LLGL2: variants seen among roughly 807,000 people sequenced by gnomAD.
LLGL2 encodes LLGL scribble cell polarity complex component 2, also known as LLGL2, scribble cell polarity complex component.
Under a neutral mutation model 123.2 loss-of-function variants are expected in LLGL2, and 81 were observed. The ratio of observed to expected loss-of-function variants is 0.66; its 90% CI spans 0.55 to 0.79. The LOEUF is 0.79. Ranked by LOEUF, LLGL2 falls within the 30% of genes least tolerant of loss-of-function variation. The pLI, the probability that LLGL2 is intolerant of heterozygous loss-of-function variation, is 0.00. For synonymous variants in LLGL2, 577 were observed against 594.1 expected (o/e 0.97, Z 0.42); for missense variants, 1,273 against 1,414.6 (o/e 0.90, Z 1.61).
In LLGL2 at chr17:75,525,713, G is replaced by A. The variant is rs1040634465; in HGVS notation, c.-143G>A. The A allele has an allele frequency of 4.0e-5, 6 of 150,976 alleles. No homozygotes were observed. Among genetic ancestry groups the A allele is most frequent in the African/African-American group, 1.4e-4 (6 of 41,414 alleles). The allele number at this position is 150,976 out of a possible 1,614,324, so 9.4% of individuals were successfully genotyped here. On this transcript the variant is annotated 5_prime_UTR_variant, in exon 1 of 26. Coordinates refer to ENST00000392550, the MANE Select transcript of LLGL2 (RefSeq NM_001031803.2). The surrounding 1 kb of genome is among the most constrained non-coding windows in gnomAD (Gnocchi z 4.8). ...AGGCTCGCCGCGCCGGAGGTGAGCA[G>A]GAAGGAGACGGCCGCCCAGCAGCCC...
At chr17:75,541,971 T>G (rs952761426) in intron 1 of LLGL2, among the ~76,000 whole-genome samples, 2 of 151,898 alleles carry the variant, frequency 1.3e-5, no homozygotes, top group Non-Finnish European at 1.5e-5. Context: ...CCTGAGGTGA[T>G]CCACCTGCCT....
Position 75,542,586 on chromosome 17 carries a change from G to A in LLGL2, c.-30-811G>A, listed in dbSNP as rs184316386. 428 of 152,394 alleles carry A rather than the reference G, an allele frequency of 2.8e-3. 7 individuals are homozygous for A. The highest frequency in any genetic ancestry group is 9.9e-3 in the African/African-American group (413 of 41,580). The allele number at this position is 152,394 out of a possible 1,614,324, so 9.4% of individuals were successfully genotyped here. A position where few individuals can be genotyped will look rare whatever the true frequency, so the allele number is the denominator to read the frequency against. Reference sequence around the variant, plus strand: ...GCTGGGAATGGATTCTATGGTGGGCGGAGAGTTTAGGGGCCTTGAGCTGGT... The same window carrying A: ...GCTGGGAATGGATTCTATGGTGGGCAGAGAGTTTAGGGGCCTTGAGCTGGT... On this transcript the variant is annotated intron_variant, in intron 1 of 25. Coordinates refer to ENST00000392550, the MANE Select transcript of LLGL2 (RefSeq NM_001031803.2).
chr17:75,554,596 G>A (rs1232837211), intron 2 of LLGL2, among the ~76,000 whole-genome samples: 1 of 151,656 alleles, frequency 6.6e-6, no homozygotes, highest in Non-Finnish European at 1.5e-5. Context: ...CCCAGCCTGG[G>A]CAACAGAGTG....
Position 75,574,412 on chromosome 17 carries a change from C to G in LLGL2, c.2954-41C>G, listed in dbSNP as rs899782766. 10 of 1,547,272 alleles carry G rather than the reference C, an allele frequency of 6.5e-6. No individual in the cohort carries two copies. The African/African-American group carries it at 1.2e-4, about 19-fold the overall frequency. The stretch of plus-strand genomic sequence containing the variant: ...GGTGGAAGGGCTGTGGCTAGCCGCC[C>G]CAAGGGCCTCAGTGGGCCTCTGTTC... On this transcript the variant is annotated intron_variant, in intron 23 of 25. Transcript: ENST00000392550.
rs1345327779 is a variant in LLGL2 at position 75,571,674 on chromosome 17, G to T, written c.2184G>T (p.Arg728=). 6.2e-7 allele frequency: 1 copy of T among 1,607,630 alleles called. No individual in the cohort carries two copies. ...AACATGGCTTCTCGGCAGGCTCCCG[G>T]CACTGCCCCTCGCTGTGGGCTGGCA... is the stretch of plus-strand genomic sequence containing the variant. ...FADTYLKDSS[R]HCPSLWAGTN... is the part of the protein sequence containing the mutation. Residue 728 remains arginine, a synonymous_variant, in exon 18 of 26, where the codon CGG becomes CGT. Coordinates refer to ENST00000392550, the MANE Select transcript of LLGL2 (RefSeq NM_001031803.2).
rs147750930 is a variant in LLGL2, at chr17:75,563,364, C to A, written c.727C>A (p.Arg243Ser). 1 of 1,612,824 alleles carries A rather than the reference C, an allele frequency of 6.2e-7. No individual in the cohort carries two copies. ...GAACATCTGGTGGCAGCGGGACGGC[C>A]GCCTGCTCGTCAGCTGTCACTCTGA... is the stretch of plus-strand genomic sequence containing the variant. Reference protein sequence around the residue: ...LENIWWQRDGRLLVSCHSDGS... With the variant: ...LENIWWQRDGSLLVSCHSDGS... The change falls in exon 8 of 26, where the codon CGC becomes AGC. Residue 243 changes from arginine (R) to serine (S), a missense_variant. Arg to Ser is a moderately radical substitution (Grantham distance 110). Coordinates refer to ENST00000392550, the MANE Select transcript of LLGL2 (RefSeq NM_001031803.2).
chr17:75,573,790 G>T (rs1319875551), intron 21 of LLGL2, among the ~76,000 whole-genome samples, 159 bp downstream of exon 21: 1 of 151,998 alleles, frequency 6.6e-6, no homozygotes, highest in African/African-American at 2.4e-5. Context: ...CGTGCCCCTT[G>T]CCCCTGTGCA....
chr17:75,572,779 C>T (rs2055782126), intron 19 of LLGL2, among the ~76,000 whole-genome samples: 1 of 151,620 alleles, frequency 6.6e-6, no homozygotes, highest in South Asian at 2.1e-4. Flanking sequence ...GAGATCACAC[C>T]ACTGTACTCC....
intron 19 of LLGL2, 135 bp downstream of exon 19, chr17:75,572,199 A>G (rs1449850125): frequency 5.6e-6 from 5 of 886,106 alleles, no homozygotes; most frequent in Non-Finnish European, 8.7e-6. Context: ...AGTACAGGAA[A>G]TAAGTGAGGG....
intron 19 of LLGL2, among the ~76,000 whole-genome samples, chr17:75,572,677 A>AAAAG (rs2055776166): frequency 6.6e-6 from 1 of 151,260 alleles, no homozygotes. Flanking sequence ...AAAAAAAAAA[A>AAAAG]AAAACCAGCA....
intron 20 of LLGL2, 29 bp from the exon 21 acceptor site, chr17:75,573,452 A>G: frequency 6.3e-7 from 1 of 1,594,184 alleles, no homozygotes; most frequent in Non-Finnish European, 8.6e-7. Flanking sequence ...CCGCCAGGCC[A>G]GGCCGCTAGC....
chr17:75,567,749 C>CT (rs2055506138), intron 10 of LLGL2, among the ~76,000 whole-genome samples: 1 of 151,948 alleles, frequency 6.6e-6, no homozygotes, highest in Non-Finnish European at 1.5e-5. Flanking sequence ...CAACACCAGC[C>CT]TGAGCAACAT....
intron 21 of LLGL2, 115 bp from the exon 22 acceptor site, chr17:75,573,837 A>G: frequency 7.4e-7 from 1 of 1,355,186 alleles, no homozygotes; most frequent in South Asian, 1.3e-5. Context: ...TTTACCTCCC[A>G]GGCTCTCCGG....
At chr17:75,557,007 C>CTG (rs1024804836) in intron 3 of LLGL2, among the ~76,000 whole-genome samples, 2 of 145,344 alleles carry the variant, frequency 1.4e-5, no homozygotes, top group Admixed American at 6.9e-5. Flanking sequence ...CCAGCCTGGG[C>CTG]AACAGAGTGA....
Position 75,543,519 on chromosome 17 carries a change from G to T in LLGL2, c.75+18G>T. On this transcript the variant is annotated intron_variant, in intron 2 of 25. Transcript: ENST00000392550. Reference sequence around the variant, plus strand: ...TTAACAAGGTAAGTTAGGGAGAGCAGGGAAGATGACCCCCAGGTTTTCGGC... The same window carrying T: ...TTAACAAGGTAAGTTAGGGAGAGCATGGAAGATGACCCCCAGGTTTTCGGC... The T allele has an allele frequency of 6.2e-7, 1 of 1,603,458 alleles. No homozygotes were observed. The highest frequency in any genetic ancestry group is 1.1e-5 in the South Asian group (1 of 89,736).
chr17:75,573,294 T>G lies in LLGL2; in HGVS notation c.2725+16T>G. The G allele has an allele frequency of 6.3e-7, 1 of 1,585,208 alleles. No homozygotes were observed. Among genetic ancestry groups the G allele is most frequent in the South Asian group, 1.1e-5 (1 of 87,598 alleles). ...TATGGCCAAGGTGTTTGAGCCGGGC[T>G]GGGTGGGTGTCGGGGCCCCGGGCAC... is the stretch of plus-strand genomic sequence containing the variant. On this transcript the variant is annotated intron_variant, in intron 20 of 25. Transcript: ENST00000392550.
At chr17:75,556,992 G>A (rs1034143739) in intron 3 of LLGL2, among the ~76,000 whole-genome samples, 1 of 149,720 alleles carries the variant, frequency 6.7e-6, no homozygotes, top group African/African-American at 2.5e-5. Flanking sequence ...TTGTGCCACT[G>A]CACTCCAGCC....
rs148945135 is a variant in LLGL2 at position 75,573,022 on chromosome 17, G to A, written c.2469G>A (p.Thr823=). 30 of 1,603,556 alleles carry A rather than the reference G, an allele frequency of 1.9e-5. No homozygotes were observed. The highest frequency in any genetic ancestry group is 1.7e-4 in the Middle Eastern group (1 of 6,052). Residue 823 remains threonine (T), a synonymous_variant, in exon 20 of 26, where the codon ACG becomes ACA. Transcript: ENST00000392550. ...CCACCCCACGCCCCCAGGTGTTCAC[G>A]CTGCCCAAGGTGAGTGCCAAGCTGA... ...VVSEEQFKVF[T]LPKVSAKLKL...
Position 75,544,005 on chromosome 17 carries a change from C to T in LLGL2, c.75+504C>T, listed in dbSNP as rs142421479. Among the ~76,000 whole-genome samples the T allele has an allele frequency of 2.2e-4, 34 of 152,230 alleles. 1 individual carries two copies. Among genetic ancestry groups the T allele is most frequent in the Admixed American group, 5.2e-4 (8 of 15,282 alleles). ...CTGAACACGTGATTCCTTCTGGCTC[C>T]GGCCGGGGTGAGTGGGGAGAGGTGC... On this transcript the variant is annotated intron_variant, in intron 2 of 25. Transcript: ENST00000392550. This position sits in a 1 kb window ranked among gnomAD's most constrained non-coding sequence, Gnocchi z 4.2.
Sources: gnomAD v4.1 joint callset for allele counts (sites outside exome capture counted in the v4.1 genomes callset) on GRCh38, gnomAD v4.1.1 for gene constraint, Gnocchi (gnomAD v3.1) non-coding constraint, MANE v1.5 for transcripts, NCBI Gene and HGNC (gene_info 2026-07-23, HGNC 2026-07-21) for gene names.